The following CERCAM variants were observed in gnomAD, a reference collection of about 807,000 sequenced individuals.
CERCAM encodes the protein cerebral endothelial cell adhesion molecule.
In CERCAM, 59 loss-of-function variants were observed where a neutral mutation model predicts 66.0. That is an observed-to-expected ratio of 0.89 (90% CI 0.73 to 1.11). CERCAM has a LOEUF of 1.11. CERCAM is among the 50% of genes most tolerant of loss of function. The pLI, the probability that CERCAM is intolerant of heterozygous loss-of-function variation, is 0.00. For missense variants in CERCAM, 840 were observed against 828.3 expected, an observed-to-expected ratio of 1.01 and a Z score of -0.17; for synonymous variants, 318 against 343.6, an observed-to-expected ratio of 0.93 and a Z score of 0.83.
In CERCAM at chr9:128,436,393, G is replaced by A. The variant is rs1588632612; in HGVS notation, c.*1-456G>A. On this transcript the variant is annotated intron_variant, in intron 12 of 12. Coordinates refer to ENST00000372838, the MANE Select transcript of CERCAM (RefSeq NM_016174.5). ...CTCCCGAGTAGTTGGGACTACAGGC[G>A]CCCACCACCACGTCCGGCTAAATTT... 2.0e-5 allele frequency among the ~76,000 whole-genome samples: 3 copies of A among 152,170 alleles called. No homozygotes were observed. In the Middle Eastern group the frequency reaches 0.01, roughly 518 times the overall value.
At chr9:128,433,519 T>G (rs1260004171) in intron 9 of CERCAM, among the ~76,000 whole-genome samples, 1 of 152,094 alleles carries the variant, frequency 6.6e-6, no homozygotes, top group African/African-American at 2.4e-5. Context: ...GGAGGGGAGA[T>G]GGCTCCTGGT....
rs768275632 is a variant in CERCAM, at chr9:128,435,835, G to A, written c.1718G>A (p.Arg573His). The change falls in exon 12 of 13, where the codon CGC (arginine) becomes CAC (histidine). Residue 573 changes from arginine (R) to histidine (H), a missense_variant. Physicochemically the swap from Arg to His is conservative, Grantham distance 29. Coordinates refer to ENST00000372838, the MANE Select transcript of CERCAM (RefSeq NM_016174.5). ...ISWSGSQKTL[R>H]SPRLDLTGSS... is the part of the protein sequence containing the mutation. ...TGGAGCGGCTCCCAAAAGACCCTGC[G>A]CAGCCCCCGCCTGGACCTGACTGGC... The A allele has an allele frequency of 7.4e-5, 119 of 1,609,348 alleles. No homozygotes were observed. The highest frequency in any genetic ancestry group is 1.3e-4 in the East Asian group (6 of 44,780).
At chr9:128,419,864 G>C (rs1382824146), upstream of CERCAM, 1 of 150,332 alleles carries the variant, frequency 6.7e-6, no homozygotes, top group Non-Finnish European at 1.5e-5. Context: ...TGTGAGGGCT[G>C]TGCTCTTTTT....
At chr9:128,426,296 C>A (rs1833844922) in intron 5 of CERCAM, among the ~76,000 whole-genome samples, 1 of 151,646 alleles carries the variant, frequency 6.6e-6, no homozygotes, top group South Asian at 2.1e-4. Flanking sequence ...TGAAAAAAAA[C>A]AGAGAGTAAG....
intron 9 of CERCAM, among the ~76,000 whole-genome samples, chr9:128,432,665 G>A: frequency 6.6e-6 from 1 of 152,138 alleles, no homozygotes; most frequent in Non-Finnish European, 1.5e-5. Context: ...GGAATTACAG[G>A]CATGAGCCAC....
At chr9:128,433,200 A>G (rs953311324) in intron 9 of CERCAM, among the ~76,000 whole-genome samples, 1 of 150,674 alleles carries the variant, frequency 6.6e-6, no homozygotes, top group African/African-American at 2.4e-5. Context: ...AATGGCGTGA[A>G]CCCAGGAGGC....
At position 128,422,860 on chromosome 9, in the gene CERCAM, G is replaced by T; in HGVS notation, c.198-8G>T. 1 of 1,613,024 alleles carries T rather than the reference G, an allele frequency of 6.2e-7. No homozygotes were observed. The highest frequency in any genetic ancestry group is 8.5e-7 in the Non-Finnish European group (1 of 1,179,660). On this transcript the variant is annotated splice_region_variant and splice_polypyrimidine_tract_variant and intron_variant, in intron 1 of 12. Transcript: ENST00000372838. ...TGCCCCCTCAGCCTTTTTTCTTCCCGTCCCCAGGTGTGCCACGGACCACAA... is the reference window on the plus strand; with the variant it reads ...TGCCCCCTCAGCCTTTTTTCTTCCCTTCCCCAGGTGTGCCACGGACCACAA...
rs2131346182 is a variant in CERCAM at position 128,435,806 on chromosome 9, C to A, written c.1689C>A (p.Ile563=). ...SPWDDDSGRL[I]SWSGSQKTLR... is the part of the protein sequence containing the mutation. ...GGGATGATGACAGCGGCCGCCTCAT[C>A]AGCTGGAGCGGCTCCCAAAAGACCC... The change falls in exon 12 of 13, where the codon ATC becomes ATA. Residue 563 remains isoleucine, a synonymous_variant. Coordinates refer to ENST00000372838, the MANE Select transcript of CERCAM (RefSeq NM_016174.5). 1.9e-6 allele frequency: 3 copies of A among 1,612,230 alleles called. No homozygotes were observed. Among genetic ancestry groups the A allele is most frequent in the Non-Finnish European group, 2.5e-6 (3 of 1,179,500 alleles).
chr9:128,420,408 C>A (rs984633213), upstream of CERCAM: 1 of 152,368 alleles, frequency 6.6e-6, no homozygotes, highest in African/African-American at 2.4e-5. This position sits in a 1 kb window ranked among gnomAD's most constrained non-coding sequence, Gnocchi z 5.0. Flanking sequence ...CCGGGGAAGC[C>A]CGGGAGGTGG....
At chr9:128,432,351 A>C (rs913133811) in intron 9 of CERCAM, among the ~76,000 whole-genome samples, 7 of 149,126 alleles carry the variant, frequency 4.7e-5, no homozygotes, top group Non-Finnish European at 1.0e-4. Flanking sequence ...ACCGTCCCTG[A>C]ACAAATTGGA....
In CERCAM at chr9:128,424,568, G is replaced by T. The variant is rs543750319; in HGVS notation, c.720G>T (p.Trp240Cys). Residue 240 changes from tryptophan to cysteine, a missense_variant, in exon 5 of 13, where the codon TGG (tryptophan) becomes TGT (cysteine). Transcript: ENST00000372838. ...ACCCGCCACATCCCAACTACACTTG[G>T]CCTTTCGACGACATCATCGTCTTCG... is the stretch of plus-strand genomic sequence containing the variant. Reference protein sequence around the residue: ...AFYPPHPNYTWPFDDIIVFAY... With the variant: ...AFYPPHPNYTCPFDDIIVFAY... 8.7e-6 allele frequency: 14 copies of T among 1,614,124 alleles called. 1 individual carries two copies. The South Asian group carries it at 1.5e-4, about 18-fold the overall frequency.
chr9:128,431,034 TC>T, intron 8 of CERCAM, 136 bp from the exon 9 acceptor site: 1 of 1,061,696 alleles, frequency 9.4e-7, no homozygotes, highest in Non-Finnish European at 1.4e-6. Flanking sequence ...CAGCTTCAGG[TC>T]ACACAAAGGA....
At chr9:128,429,246 G>C (rs1833921113) in intron 8 of CERCAM, among the ~76,000 whole-genome samples, 2 of 152,194 alleles carry the variant, frequency 1.3e-5, no homozygotes, top group Admixed American at 6.5e-5. Flanking sequence ...CAGAGGAGGA[G>C]AGCACAGTGG....
At position 128,424,123 on chromosome 9, in the gene CERCAM, G is replaced by A. The variant is rs777170138; in HGVS notation, c.427-15G>A. ...CCCAGGCAGGGCTGGAGCCTGTGAC[G>A]TCCCCTCCTCAAAGTTTGCAGACAC... On this transcript the variant is annotated splice_polypyrimidine_tract_variant and intron_variant, in intron 3 of 12. Transcript: ENST00000372838. 43 of 1,612,208 alleles carry A rather than the reference G, an allele frequency of 2.7e-5. No individual in the cohort carries two copies. Among genetic ancestry groups the A allele is most frequent in the Admixed American group, 6.7e-5 (4 of 59,864 alleles).
intron 5 of CERCAM, 64 bp from the exon 6 acceptor site, chr9:128,428,238 C>A: frequency 6.3e-7 from 1 of 1,582,642 alleles, no homozygotes; most frequent in Non-Finnish European, 8.6e-7. Flanking sequence ...GGGCCTAGGA[C>A]CTTTCAGCTG....
intron 4 of CERCAM, 58 bp from the exon 5 acceptor site, chr9:128,424,352 G>T (rs1833786391): frequency 9.9e-6 from 16 of 1,612,432 alleles, no homozygotes; most frequent in Non-Finnish European, 1.4e-5. Flanking sequence ...GAGGCCTTGG[G>T]GTCTGTGGGC....
chr9:128,435,602 G>C, intron 11 of CERCAM, 51 bp from the exon 12 acceptor site: 1 of 1,537,866 alleles, frequency 6.5e-7, no homozygotes, highest in Non-Finnish European at 8.8e-7. Context: ...GCATGTGTCC[G>C]GGGAGTAGGG....
chr9:128,424,846 C>G (rs1348797724), intron 5 of CERCAM, among the ~76,000 whole-genome samples: 20 of 151,036 alleles, frequency 1.3e-4, no homozygotes, highest in Admixed American at 1.3e-3. Flanking sequence ...CTCAGCTTCC[C>G]GAGTAGCTGG....
intron 1 of CERCAM, chr9:128,422,624 A>T: frequency 2.0e-6 from 1 of 496,240 alleles, no homozygotes; most frequent in East Asian, 3.1e-5. Flanking sequence ...AGGACAGCTT[A>T]AGTTATAGAG....
Sources: allele counts gnomAD v4.1 joint callset (sites outside exome capture counted in the v4.1 genomes callset), GRCh38; gene constraint gnomAD v4.1.1; non-coding constraint Gnocchi (gnomAD v3.1); transcripts MANE v1.5; gene names NCBI Gene and HGNC (gene_info 2026-07-23, HGNC 2026-07-21).